NRG1: variants seen among roughly 807,000 people sequenced by gnomAD.
The protein encoded by NRG1 is pro-neuregulin-1, membrane-bound isoform.
NRG1 carries 18 observed loss-of-function variants against 63.8 expected under a neutral mutation model. The ratio of observed to expected loss-of-function variants is 0.28; its 90% CI spans 0.19 to 0.42. NRG1 has a LOEUF of 0.42. Ranked by LOEUF, NRG1 falls within the 10% of genes least tolerant of loss-of-function variation. The pLI is 1.00. For missense variants in NRG1, 762 were observed against 814.7 expected (o/e 0.94, Z 0.79); for synonymous variants, 302 against 301.3 (o/e 1.00, Z -0.02).
intron 1 of NRG1, among the ~76,000 whole-genome samples, chr8:32,469,029 G>A (rs6984060): frequency 0.56 from 85,802 of 152,016 alleles, 24,923 homozygotes; most frequent in Non-Finnish European, 0.6. Flanking sequence ...AATTAAGATT[G>A]TCAGAAGTGA....
chr8:31,709,141 T>C (rs2131240716), intron 1 of NRG1, among the ~76,000 whole-genome samples: 1 of 152,122 alleles, frequency 6.6e-6, no homozygotes, highest in East Asian at 1.9e-4. Flanking sequence ...GGTTCAACTG[T>C]AGTCCTTTTT....
chr8:32,274,732 A>G (rs1434221104), intron 1 of NRG1, among the ~76,000 whole-genome samples: 1 of 152,178 alleles, frequency 6.6e-6, no homozygotes, highest in African/African-American at 2.4e-5. Flanking sequence ...GAAGCCAAAC[A>G]AAATATGCCC....
At chr8:31,750,166 C>T (rs1816304654) in intron 1 of NRG1, among the ~76,000 whole-genome samples, 1 of 151,754 alleles carries the variant, frequency 6.6e-6, no homozygotes, top group Non-Finnish European at 1.5e-5. Flanking sequence ...GAATTGGTTA[C>T]AGGAAAAGAA....
intron 5 of NRG1, among the ~76,000 whole-genome samples, chr8:32,649,726 T>A (rs943932249): frequency 2.0e-5 from 3 of 152,316 alleles, no homozygotes; most frequent in Admixed American, 1.3e-4. Flanking sequence ...AAAAAAAGTC[T>A]TGTTTTCTAG....
intron 1 of NRG1, among the ~76,000 whole-genome samples, chr8:31,741,873 G>C (rs907106478): frequency 7.9e-5 from 12 of 151,844 alleles, no homozygotes; most frequent in Non-Finnish European, 1.6e-4. Flanking sequence ...TGTTTACCAG[G>C]AAGCACATAT....
chr8:32,740,190 C>CT (rs35219061), intron 6 of NRG1, among the ~76,000 whole-genome samples: 58,920 of 92,818 alleles, frequency 0.63, 19,942 homozygotes, highest in Admixed American at 0.68. Context: ...GACCCAACCT[C>CT]TTTTTTTTTT....
chr8:31,655,153 G>A (rs561746752), intron 1 of NRG1, among the ~76,000 whole-genome samples: 76 of 152,194 alleles, frequency 5.0e-4, no homozygotes, highest in African/African-American at 1.6e-3. Flanking sequence ...GAAGCAGTAA[G>A]CCTACTTTTT....
At chr8:32,072,210 G>A (rs1234841510) in intron 1 of NRG1, among the ~76,000 whole-genome samples, 1 of 146,898 alleles carries the variant, frequency 6.8e-6, no homozygotes, top group African/African-American at 2.5e-5. Flanking sequence ...GTATAGAATT[G>A]CCAAAATACA....
chr8:32,262,215 C>T lies in NRG1; in HGVS notation c.38-333613C>T, dbSNP rs147007279. On this transcript the variant is annotated intron_variant, in intron 1 of 10. Transcript: ENST00000519301. The stretch of plus-strand genomic sequence containing the variant: ...AAAAAGAGAGGATTCATATAAATCA[C>T]AAATTTTGCAAATGCATTTTAAATC... 1.8e-4 allele frequency among the ~76,000 whole-genome samples: 27 copies of T among 152,280 alleles called. No homozygotes were observed. The East Asian group carries it at 4.8e-3, about 27-fold the overall frequency.
chr8:32,712,831 C>A (rs548061442), intron 5 of NRG1, among the ~76,000 whole-genome samples: 1 of 152,260 alleles, frequency 6.6e-6, no homozygotes, highest in Non-Finnish European at 1.5e-5. Flanking sequence ...GTTCTCTGAT[C>A]TAAGCATGGT....
rs977704589 is a variant in NRG1 at position 32,754,531 on chromosome 8, G to A, written c.794+57G>A. ...CCTTCATGCAGAGACAGCTTAGATG[G>A]CCAGGGCTTTGCAGAATCTGAGCTC... On this transcript the variant is annotated intron_variant, in intron 8 of 11. Transcript: ENST00000356819. 171 of 1,524,620 alleles carry A rather than the reference G, an allele frequency of 1.1e-4. 2 individuals are homozygous for A. The South Asian group carries it at 1.9e-3, about 17-fold the overall frequency. 94.4% of individuals were successfully genotyped at this position (1,524,620 alleles called of 1,614,324 possible). A position where few individuals can be genotyped will look rare whatever the true frequency, so the allele number is the denominator to read the frequency against.
intron 1 of NRG1, among the ~76,000 whole-genome samples, chr8:31,948,930 C>A (rs114493188): frequency 2.8e-4 from 42 of 152,182 alleles, no homozygotes; most frequent in East Asian, 9.7e-4. Context: ...TATTAGAATG[C>A]GCTGTGTATA....
chr8:31,705,047 T>G (rs1811009835), intron 1 of NRG1, among the ~76,000 whole-genome samples: 1 of 151,792 alleles, frequency 6.6e-6, no homozygotes, highest in Non-Finnish European at 1.5e-5. Flanking sequence ...TTGTTTTGTT[T>G]TGTTTTTGAG....
intron 1 of NRG1, among the ~76,000 whole-genome samples, chr8:31,951,309 G>A (rs947489474): frequency 6.6e-6 from 1 of 152,152 alleles, no homozygotes; most frequent in East Asian, 1.9e-4. Flanking sequence ...CACCAGTGAG[G>A]GAAAAGTCAG....
chr8:32,633,746 G>T (rs560647742), intron 5 of NRG1, among the ~76,000 whole-genome samples: 1 of 152,044 alleles, frequency 6.6e-6, no homozygotes, highest in Admixed American at 6.5e-5. Context: ...TCTTTCCCCA[G>T]TGCCTTCCTT....
rs200437327 is a variant in NRG1, at chr8:31,894,551, TTC to T, written c.37+255122_37+255123del. Among the ~76,000 whole-genome samples, 81 of 126,208 alleles carry T rather than the reference TTC, an allele frequency of 6.4e-4. 9 individuals carry two copies. Among genetic ancestry groups the T allele is most frequent in the East Asian group, 3.6e-3 (9 of 2,514 alleles). 82.8% of individuals were successfully genotyped at this position (126,208 alleles called of 152,430 possible). A position where few individuals can be genotyped will look rare whatever the true frequency, so the allele number is the denominator to read the frequency against. The stretch of plus-strand genomic sequence containing the variant: ...ATCATAATTGCTATTTCTTTCTTTT[TTC>T]TTTTTTTTTTTTTTTGAGATGGAGT... On this transcript the variant is annotated intron_variant, in intron 1 of 10. Coordinates refer to the NRG1 transcript ENST00000519301.
At chr8:31,849,455 A>C (rs1827007585) in intron 1 of NRG1, among the ~76,000 whole-genome samples, 1 of 152,210 alleles carries the variant, frequency 6.6e-6, no homozygotes, top group African/African-American at 2.4e-5. Context: ...TAACTTCATC[A>C]AAAGTTTGCC....
chr8:32,613,302 C>A (rs1378575225), intron 3 of NRG1, among the ~76,000 whole-genome samples: 2 of 152,016 alleles, frequency 1.3e-5, no homozygotes, highest in Non-Finnish European at 1.5e-5. Flanking sequence ...AGGTTTATTG[C>A]TAATCACTTG....
intron 1 of NRG1, among the ~76,000 whole-genome samples, chr8:31,652,537 A>G (rs1254871027): frequency 2.0e-5 from 3 of 152,210 alleles, no homozygotes; most frequent in Non-Finnish European, 4.4e-5. Context: ...ACCTTGTGCT[A>G]CACTGATGGC....
Sources: gnomAD v4.1 joint callset for allele counts (sites outside exome capture counted in the v4.1 genomes callset) on GRCh38, gnomAD v4.1.1 for gene constraint, MANE v1.5 for transcripts, NCBI Gene and HGNC (gene_info 2026-07-23, HGNC 2026-07-21) for gene names.